The following BANP variants were observed in gnomAD, a reference collection of about 807,000 sequenced individuals.
BANP encodes the protein BTG3 associated nuclear protein.
A neutral mutation model predicts 68.1 loss-of-function variants in BANP; 11 were observed. The observed-to-expected ratio is 0.16, with a 90% CI of 0.10 to 0.27. The LOEUF (loss-of-function observed/expected upper bound fraction) is 0.27. Among genes scored for constraint, BANP ranks in the 10% least tolerant of loss-of-function variants. The pLI is 1.00. For synonymous variants in BANP, 329 were observed against 303.2 expected (o/e 1.09, Z -0.88); for missense variants, 504 against 722.7 (o/e 0.70, Z 3.47).
At chr16:88,040,495 C>T (rs2080494664) in intron 11 of BANP, among the ~76,000 whole-genome samples, 1 of 150,666 alleles carries the variant, frequency 6.6e-6, no homozygotes, top group Non-Finnish European at 1.5e-5. Context: ...AAGCCCCGAG[C>T]AGTGCGGGGG....
At chr16:88,051,109 T>C (rs2083160199) in intron 11 of BANP, among the ~76,000 whole-genome samples, 1 of 152,214 alleles carries the variant, frequency 6.6e-6, no homozygotes, top group Non-Finnish European at 1.5e-5. Flanking sequence ...ACAGCCAAGC[T>C]GTTGACCGCA....
At position 88,076,770 on chromosome 16, in the gene BANP, G is replaced by A. The variant is rs1478918758; in HGVS notation, c.*109G>A. ...AGGCAGCGGCTGCACGTGTTCTGCT[G>A]AAGTGCGTCTGAAGGCCGCTGCCTC... On this transcript the variant is annotated 3_prime_UTR_variant, in exon 14 of 14. Transcript: ENST00000682872. 2.2e-6 allele frequency: 2 copies of A among 909,940 alleles called. No individual in the cohort carries two copies. The highest frequency in any genetic ancestry group is 5.5e-5 in the East Asian group (2 of 36,606). 56.4% of individuals were successfully genotyped at this position (909,940 alleles called of 1,614,324 possible).
chr16:87,985,493 CT>C (rs969278863), intron 4 of BANP, among the ~76,000 whole-genome samples: 7 of 151,082 alleles, frequency 4.6e-5, no homozygotes, highest in East Asian at 1.9e-4. Context: ...GACCCAATGC[CT>C]TTTTTTTTAG....
chr16:88,064,512 A>G lies in BANP; in HGVS notation c.1312-755A>G, dbSNP rs1433813686. 6.6e-6 allele frequency among the ~76,000 whole-genome samples: 1 copy of G among 152,240 alleles called. No individual in the cohort carries two copies. The highest frequency in any genetic ancestry group is 1.5e-5 in the Non-Finnish European group (1 of 68,042). On this transcript the variant is annotated intron_variant, in intron 11 of 13. Coordinates refer to ENST00000682872, the MANE Select transcript of BANP (RefSeq NM_001386991.1). The surrounding 1 kb of genome is among the most constrained non-coding windows in gnomAD (Gnocchi z 4.5). ...CTGCCTCCCACGGACAGATGCTCCC[A>G]GGATGCGGCTAGGCGTCCAGGCCAG...
intron 3 of BANP, among the ~76,000 whole-genome samples, chr16:87,981,994 A>G (rs923070380): frequency 2.0e-5 from 3 of 152,212 alleles, no homozygotes; most frequent in African/African-American, 7.2e-5. Context: ...CTACTTACAC[A>G]GGGTGTCTAT....
chr16:88,007,130 A>G (rs990413771), intron 6 of BANP, among the ~76,000 whole-genome samples: 2 of 152,020 alleles, frequency 1.3e-5, no homozygotes, highest in African/African-American at 2.4e-5. Context: ...GTTAGTGCAG[A>G]TGGACAGAGT....
intron 2 of BANP, among the ~76,000 whole-genome samples, chr16:87,976,468 T>C (rs1034906886): frequency 2.0e-4 from 27 of 135,210 alleles, no homozygotes; most frequent in Non-Finnish European, 3.7e-4. Flanking sequence ...CTTATTGTTT[T>C]AAAAAGTTTT....
chr16:88,002,399 T>C lies in BANP; in HGVS notation c.363-1896T>C, dbSNP rs2069667434. 6.6e-6 allele frequency among the ~76,000 whole-genome samples: 1 copy of C among 152,184 alleles called. No individual in the cohort carries two copies. Among genetic ancestry groups the C allele is most frequent in the Admixed American group, 6.5e-5 (1 of 15,282 alleles). On this transcript the variant is annotated intron_variant, in intron 4 of 13. Coordinates refer to ENST00000682872, the MANE Select transcript of BANP (RefSeq NM_001386991.1). This position sits in a 1 kb window ranked among gnomAD's most constrained non-coding sequence, Gnocchi z 4.6. ...TGGTTTTGTCACGCCCGTGCTGGTGTTCAGGTGGCCCTGCGCTGGCTCCTG... is the reference window on the plus strand; with the variant it reads ...TGGTTTTGTCACGCCCGTGCTGGTGCTCAGGTGGCCCTGCGCTGGCTCCTG...
intron 12 of BANP, among the ~76,000 whole-genome samples, chr16:88,069,945 C>T (rs765835781): frequency 2.0e-5 from 3 of 152,176 alleles, no homozygotes; most frequent in Non-Finnish European, 4.4e-5. Context: ...AGGCCAGCCT[C>T]TCCTGTTCCT....
chr16:88,016,727 G>A (rs1163153810), intron 6 of BANP, among the ~76,000 whole-genome samples: 1 of 152,172 alleles, frequency 6.6e-6, no homozygotes, highest in Non-Finnish European at 1.5e-5. Context: ...TTTCCGTTTT[G>A]CTCCTCATAT....
chr16:88,067,208 G>A (rs949750187), intron 12 of BANP, among the ~76,000 whole-genome samples: 14 of 152,228 alleles, frequency 9.2e-5, no homozygotes, highest in Admixed American at 2.0e-4. Context: ...TTTGGTGCCA[G>A]TGGAGTGGCC....
In BANP at chr16:88,009,053, C is replaced by T. The variant is rs189036605; in HGVS notation, c.655+2788C>T. Among the ~76,000 whole-genome samples the T allele has an allele frequency of 1.6e-4, 24 of 152,264 alleles. No homozygotes were observed. In the East Asian group the frequency reaches 4.2e-3, roughly 27 times the overall value. ...TGAGGAAGTCACCTTTAAATGATTG[C>T]TGTGTATGTAAATGTTGGGAAAATA... On this transcript the variant is annotated intron_variant, in intron 6 of 13. Coordinates refer to ENST00000682872, the MANE Select transcript of BANP (RefSeq NM_001386991.1).
chr16:88,037,019 G>C (rs528963859), intron 10 of BANP, among the ~76,000 whole-genome samples: 1 of 152,186 alleles, frequency 6.6e-6, no homozygotes, highest in African/African-American at 2.4e-5. Flanking sequence ...GGCACAGACA[G>C]ATGTGGGCTG....
At position 88,018,504 on chromosome 16, in the gene BANP, C is replaced by T. The variant is rs59033811; in HGVS notation, c.732C>T (p.Ser244=). Residue 244 remains serine (S), a synonymous_variant, in exon 7 of 14, where the codon TCC becomes TCT. Transcript: ENST00000682872. The surrounding 1 kb of genome is among the most constrained non-coding windows in gnomAD (Gnocchi z 7.7). The part of the protein sequence containing the change: ...EMRVRCAIIP[S]DMLHISTNCR... ...GGGTACGCTGCGCCATCATCCCCTC[C>T]GACATGCTGCACATCAGCACCAACT... 2.9e-3 allele frequency: 4,692 copies of T among 1,613,550 alleles called. 124 individuals are homozygous for T. In the African/African-American group the frequency reaches 0.056, roughly 19 times the overall value.
chr16:87,971,102 T>C (rs1372346017), intron 1 of BANP, among the ~76,000 whole-genome samples: 2 of 152,182 alleles, frequency 1.3e-5, no homozygotes, highest in Non-Finnish European at 2.9e-5. Context: ...TGAAAATTGC[T>C]CAGAAAGAAC....
chr16:87,953,768 C>T (rs2057470918), intron 1 of BANP, among the ~76,000 whole-genome samples: 1 of 152,202 alleles, frequency 6.6e-6, no homozygotes, highest in African/African-American at 2.4e-5. Context: ...GGTCCCCTTT[C>T]TCCTTCAGCC....
At chr16:88,017,603 C>T (rs1053782992) in intron 6 of BANP, among the ~76,000 whole-genome samples, 2 of 152,302 alleles carry the variant, frequency 1.3e-5, no homozygotes, top group Admixed American at 6.5e-5. Flanking sequence ...TGAGAGCCCA[C>T]GCTTGGGAGG....
chr16:88,076,729 C>T lies in BANP; in HGVS notation c.*68C>T. The T allele has an allele frequency of 7.5e-7, 1 of 1,339,326 alleles. No individual in the cohort carries two copies. The highest frequency in any genetic ancestry group is 1.5e-5 in the African/African-American group (1 of 68,320). 83.0% of individuals were successfully genotyped at this position (1,339,326 alleles called of 1,614,324 possible). A position where few individuals can be genotyped will look rare whatever the true frequency, so the allele number is the denominator to read the frequency against. ...CGGCCCGGCCCCCACGCGCCCTGCTCTCACGGCCTCGGCACAGGCAGCGGC... is the reference window on the plus strand; with the variant it reads ...CGGCCCGGCCCCCACGCGCCCTGCTTTCACGGCCTCGGCACAGGCAGCGGC... On this transcript the variant is annotated 3_prime_UTR_variant, in exon 14 of 14. Coordinates refer to ENST00000682872, the MANE Select transcript of BANP (RefSeq NM_001386991.1).
chr16:88,046,724 T>G (rs1259831798), intron 11 of BANP, among the ~76,000 whole-genome samples: 1 of 151,920 alleles, frequency 6.6e-6, no homozygotes, highest in African/African-American at 2.4e-5. Context: ...ATTTTTGTAT[T>G]TTTAGTAGAC....
Sources: gnomAD v4.1 joint callset for allele counts (sites outside exome capture counted in the v4.1 genomes callset) on GRCh38, gnomAD v4.1.1 for gene constraint, Gnocchi (gnomAD v3.1) non-coding constraint, MANE v1.5 for transcripts, NCBI Gene and HGNC (gene_info 2026-07-23, HGNC 2026-07-21) for gene names.